The following SHANK2 variants were observed in gnomAD, a reference collection of about 807,000 sequenced individuals.
SHANK2 encodes the protein SH3 and multiple ankyrin repeat domains 2.
In SHANK2, 43 loss-of-function variants were observed where a neutral mutation model predicts 133.7. That is an observed-to-expected ratio of 0.32 (90% CI 0.25 to 0.41). The LOEUF (loss-of-function observed/expected upper bound fraction) is 0.41. SHANK2 is among the 10% of genes least tolerant of loss of function. SHANK2 has a pLI of 1.00. For synonymous variants in SHANK2, 1,017 were observed against 952.8 expected, an observed-to-expected ratio of 1.07 and a Z score of -1.24; for missense variants, 1,994 against 2,235.8, an observed-to-expected ratio of 0.89 and a Z score of 2.18.
Position 71,103,658 on chromosome 11 carries a change from C to A in SHANK2, c.592+6283G>T, listed in dbSNP as rs186250047. 3.9e-5 allele frequency among the ~76,000 whole-genome samples: 6 copies of A among 152,268 alleles called. No individual in the cohort carries two copies. In the South Asian group the frequency reaches 1.2e-3, roughly 32 times the overall value. ...GGATGGGTGTCCTGCCCAAATCTCA[C>A]GTGGAGATGTAATCTCCGGGGTTGG... On this transcript the variant is annotated intron_variant, in intron 6 of 25. Transcript: ENST00000601538.
rs577030157 is a variant in SHANK2 at position 70,526,412 on chromosome 11, T to C, written c.2062-23481A>G. Among the ~76,000 whole-genome samples, 143 of 152,290 alleles carry C rather than the reference T, an allele frequency of 9.4e-4. 2 individuals are homozygous for C. In the South Asian group the frequency reaches 0.029, roughly 31 times the overall value. On this transcript the variant is annotated intron_variant, in intron 17 of 25. Coordinates refer to ENST00000601538, the MANE Select transcript of SHANK2 (RefSeq NM_012309.5). ...GGTCACAGAGGCTGCACTGAGCCCC[T>C]TTGAGTCCCTGCTTCACCTTTCCAC...
intron 10 of SHANK2, among the ~76,000 whole-genome samples, chr11:70,901,150 C>T (rs1365469522): frequency 6.6e-6 from 1 of 152,144 alleles, no homozygotes; most frequent in Non-Finnish European, 1.5e-5. Context: ...GGAACGGGCT[C>T]CACATCACAG....
At position 71,246,933 on chromosome 11, in the gene SHANK2, G is replaced by A. The variant is rs150055189; in HGVS notation, c.-113+5492C>T. Among the ~76,000 whole-genome samples, 253 of 152,198 alleles carry A rather than the reference G, an allele frequency of 1.7e-3. 2 individuals are homozygous for A. The highest frequency in any genetic ancestry group is 5.9e-3 in the African/African-American group (245 of 41,524). On this transcript the variant is annotated intron_variant, in intron 1 of 25. Coordinates refer to ENST00000601538, the MANE Select transcript of SHANK2 (RefSeq NM_012309.5). ...ATATTTATAGTTTTTGACCAACTGCGCCCCAGCAATGACTGTACAGCTTTT... is the reference window on the plus strand; with the variant it reads ...ATATTTATAGTTTTTGACCAACTGCACCCCAGCAATGACTGTACAGCTTTT...
At chr11:70,481,724 G>A (rs1555151669) in intron 25 of SHANK2, among the ~76,000 whole-genome samples, 1 of 152,224 alleles carries the variant, frequency 6.6e-6, no homozygotes. Context: ...TTTTGCCCAG[G>A]GCCATTCACA....
intron 10 of SHANK2, among the ~76,000 whole-genome samples, chr11:70,905,467 C>T (rs568092303): frequency 1.2e-4 from 18 of 152,280 alleles, no homozygotes; most frequent in Admixed American, 8.5e-4. Context: ...GCCCAGTGGC[C>T]GTGCGGATTT....
At chr11:70,493,310 G>A (rs1359494665) in intron 21 of SHANK2, among the ~76,000 whole-genome samples, 2 of 147,428 alleles carry the variant, frequency 1.4e-5, no homozygotes, top group African/African-American at 5.0e-5. Flanking sequence ...CCAGGCGTTA[G>A]TAAGTGTTGC....
At chr11:71,057,965 G>C (rs1950942022) in intron 9 of SHANK2, among the ~76,000 whole-genome samples, 2 of 140,650 alleles carry the variant, frequency 1.4e-5, no homozygotes, top group Non-Finnish European at 3.0e-5. Context: ...CCAGGCTAGA[G>C]TGCAGCGGTG....
intron 17 of SHANK2, 152 bp from the exon 18 acceptor site, chr11:70,503,083 G>T: frequency 1.2e-6 from 1 of 846,070 alleles, no homozygotes; most frequent in Non-Finnish European, 2.0e-6. Context: ...GGAAGCAAAG[G>T]TGCTTTTGGG....
intron 14 of SHANK2, among the ~76,000 whole-genome samples, chr11:70,740,443 C>T (rs897670004): frequency 6.6e-6 from 1 of 152,126 alleles, no homozygotes; most frequent in Non-Finnish European, 1.5e-5. Flanking sequence ...GCTGGGACCA[C>T]CCACCCTCCA....
intron 17 of SHANK2, among the ~76,000 whole-genome samples, chr11:70,623,663 C>T (rs543726212): frequency 7.2e-5 from 11 of 152,288 alleles, no homozygotes; most frequent in Admixed American, 2.6e-4. Context: ...CAGCCACCCG[C>T]GGCTGCTTAA....
chr11:70,903,371 T>C (rs1158934388), intron 10 of SHANK2, among the ~76,000 whole-genome samples: 2 of 135,628 alleles, frequency 1.5e-5, no homozygotes, highest in Non-Finnish European at 3.2e-5. Flanking sequence ...AGCAAGACTC[T>C]GTCTCAAAAT....
At position 70,500,474 on chromosome 11, in the gene SHANK2, C is replaced by A; in HGVS notation, c.2308+96G>T. 6.6e-7 allele frequency: 1 copy of A among 1,513,998 alleles called. No individual in the cohort carries two copies. Among genetic ancestry groups the A allele is most frequent in the Non-Finnish European group, 9.0e-7 (1 of 1,112,722 alleles). The allele number at this position is 1,513,998 out of a possible 1,614,324, so 93.8% of individuals were successfully genotyped here. On this transcript the variant is annotated intron_variant, in intron 21 of 25. Transcript: ENST00000601538. The surrounding 1 kb of genome is among the most constrained non-coding windows in gnomAD (Gnocchi z 4.5). ...AGCAGGAGAAGCCAACAAGGCTTTG[C>A]GACACATTTGAGACTTCACGGCATC...
chr11:70,624,201 CCACT>C (rs1565189601), intron 17 of SHANK2, among the ~76,000 whole-genome samples: 1 of 152,082 alleles, frequency 6.6e-6, no homozygotes, highest in African/African-American at 2.4e-5. Context: ...ACCATGCCTG[CCACT>C]TCCTGAGCTG....
At chr11:71,159,888 G>A (rs1220237913) in intron 2 of SHANK2, among the ~76,000 whole-genome samples, 1 of 151,216 alleles carries the variant, frequency 6.6e-6, no homozygotes, top group Admixed American at 6.6e-5. Flanking sequence ...TTGGGAGGCT[G>A]AGGCAGGAGA....
chr11:71,242,007 T>C (rs1253828389), intron 1 of SHANK2, among the ~76,000 whole-genome samples: 4 of 152,212 alleles, frequency 2.6e-5, no homozygotes, highest in African/African-American at 7.2e-5. Flanking sequence ...GATGGATGAA[T>C]GTATAAACAA....
intron 10 of SHANK2, among the ~76,000 whole-genome samples, chr11:70,900,660 A>C (rs782059370): frequency 2.0e-4 from 31 of 152,228 alleles, no homozygotes; most frequent in Admixed American, 3.3e-4. Context: ...TGCAAATGAG[A>C]ACAATGCAAA....
chr11:71,209,006 G>A (rs1236098699), intron 2 of SHANK2, among the ~76,000 whole-genome samples: 1 of 152,222 alleles, frequency 6.6e-6, no homozygotes, highest in Admixed American at 6.5e-5. Context: ...TTCCTCACCA[G>A]AGAGGACACT....
intron 11 of SHANK2, among the ~76,000 whole-genome samples, chr11:70,884,169 C>T (rs1949701288): frequency 6.6e-6 from 1 of 152,230 alleles, no homozygotes. Context: ...GTGTTTCCCA[C>T]CAGGCTGGCA....
At chr11:70,600,418 C>CAAAAA (rs56103044) in intron 17 of SHANK2, among the ~76,000 whole-genome samples, 218 of 94,356 alleles carry the variant, frequency 2.3e-3, no homozygotes, top group Non-Finnish European at 3.0e-3. Flanking sequence ...GACTCTGTCT[C>CAAAAA]AAAAAAAAAA....
Sources: allele counts gnomAD v4.1 joint callset (sites outside exome capture counted in the v4.1 genomes callset), GRCh38; gene constraint gnomAD v4.1.1; non-coding constraint Gnocchi (gnomAD v3.1); transcripts MANE v1.5; gene names NCBI Gene and HGNC (gene_info 2026-07-23, HGNC 2026-07-21).